SF3A3: variants seen among roughly 807,000 people sequenced by gnomAD.
SF3A3 encodes the protein splicing factor 3a subunit 3, also known as SAP 61.
In SF3A3, 9 loss-of-function variants were observed where a neutral mutation model predicts 85.8. That is an observed-to-expected ratio of 0.10 (90% CI 0.06 to 0.18). The LOEUF (loss-of-function observed/expected upper bound fraction) is 0.18, where lower values mean the gene tolerates loss of function less well. Ranked by LOEUF, SF3A3 falls within the 10% of genes least tolerant of loss-of-function variation. The pLI is 1.00. For missense variants in SF3A3, 306 were observed against 593.3 expected, an observed-to-expected ratio of 0.52 and a Z score of 5.03; for synonymous variants, 195 against 204.4, an observed-to-expected ratio of 0.95 and a Z score of 0.39.
intron 16 of SF3A3, among the ~76,000 whole-genome samples, chr1:37,959,289 G>C (rs1646241076): frequency 6.6e-6 from 1 of 152,132 alleles, no homozygotes; most frequent in South Asian, 2.1e-4. Flanking sequence ...ATGTTGCCCA[G>C]GCTGGTCTCC....
intron 2 of SF3A3, among the ~76,000 whole-genome samples, chr1:37,989,288 C>G (rs1646477519): frequency 6.6e-6 from 1 of 150,554 alleles, no homozygotes; most frequent in South Asian, 2.1e-4. Context: ...GAGCGAGACT[C>G]CGTCCAAAAG....
intron 15 of SF3A3, among the ~76,000 whole-genome samples, chr1:37,965,505 G>C (rs554288865): frequency 6.6e-6 from 1 of 152,242 alleles, no homozygotes; most frequent in South Asian, 2.1e-4. Flanking sequence ...TGCAATCCCA[G>C]CACTTTCGGA....
chr1:37,986,577 C>T lies in SF3A3; in HGVS notation c.303+996G>A, dbSNP rs1205046208. Among the ~76,000 whole-genome samples, 8 of 151,890 alleles carry T rather than the reference C, an allele frequency of 5.3e-5. No individual in the cohort carries two copies. In the South Asian group the frequency reaches 8.3e-4, roughly 16 times the overall value. On this transcript the variant is annotated intron_variant, in intron 4 of 16. Transcript: ENST00000373019. ...CTGTAATCCCAGCACTTTGGGAGGC[C>T]GAGGTGGGCGGATCACAAGGTCAGG...
intron 15 of SF3A3, 60 bp from the exon 16 acceptor site, chr1:37,960,235 G>C: frequency 6.8e-7 from 1 of 1,459,918 alleles, no homozygotes; most frequent in Admixed American, 1.7e-5. Context: ...GGTATCCAGT[G>C]TTATAATCCT....
At chr1:37,970,304 C>CA (rs35452372) in intron 12 of SF3A3, among the ~76,000 whole-genome samples, 2,524 of 103,388 alleles carry the variant, frequency 0.024, 52 homozygotes, top group African/African-American at 0.051. Flanking sequence ...GACTCCTTCT[C>CA]AAAAAAAAAA....
In SF3A3 at chr1:37,987,648, T is replaced by G; in HGVS notation, c.228A>C (p.Ser76=). ...GLRKEELNAI[S]GPNEFAEFYN... The stretch of plus-strand genomic sequence containing the variant: ...AGAATTCAGCAAACTCATTGGGTCC[T>G]GAAATGGCATTGAGCTCCTCCTTTC... Residue 76 remains serine (S), a synonymous_variant, in exon 4 of 17, where the codon TCA becomes TCC. Coordinates refer to ENST00000373019, the MANE Select transcript of SF3A3 (RefSeq NM_006802.4). 1.2e-6 allele frequency: 2 copies of G among 1,614,160 alleles called. No individual in the cohort carries two copies. The highest frequency in any genetic ancestry group is 1.7e-6 in the Non-Finnish European group (2 of 1,179,986).
chr1:37,982,043 A>G (rs1327005174), intron 6 of SF3A3, among the ~76,000 whole-genome samples: 1 of 151,736 alleles, frequency 6.6e-6, no homozygotes, highest in Non-Finnish European at 1.5e-5. Flanking sequence ...CAAAATAAAG[A>G]TCAAGTTAAT....
At chr1:37,964,251 T>G (rs1364781986) in intron 15 of SF3A3, among the ~76,000 whole-genome samples, 1 of 152,132 alleles carries the variant, frequency 6.6e-6, no homozygotes, top group African/African-American at 2.4e-5. Context: ...AGACTCTTAA[T>G]GACTAACCCT....
chr1:37,971,959 C>A (rs1489886592), intron 12 of SF3A3, among the ~76,000 whole-genome samples: 1 of 152,198 alleles, frequency 6.6e-6, no homozygotes, highest in Non-Finnish European at 1.5e-5. Flanking sequence ...GACAGGGATG[C>A]CCTTTCTCAC....
chr1:37,961,780 A>AAAAAG (rs1553164720), intron 15 of SF3A3, among the ~76,000 whole-genome samples: 75 of 141,802 alleles, frequency 5.3e-4, no homozygotes, highest in African/African-American at 2.0e-3. Flanking sequence ...AAAAAAAAAA[A>AAAAAG]AAAGAAAGAA....
chr1:37,977,581 G>A (rs552465509), intron 11 of SF3A3, among the ~76,000 whole-genome samples: 1 of 152,074 alleles, frequency 6.6e-6, no homozygotes, highest in East Asian at 1.9e-4. Context: ...TCACATGCCT[G>A]TAATCCCACC....
intron 2 of SF3A3, 148 bp from the exon 3 acceptor site, chr1:37,987,984 C>A (rs1646467727): frequency 7.3e-6 from 5 of 684,160 alleles, no homozygotes; most frequent in Middle Eastern, 4.8e-4. Flanking sequence ...CTTCCTAGTA[C>A]CTTTAACAGC....
rs777470102 is a variant in SF3A3, at chr1:37,989,966, C to A, written c.-1G>T. On this transcript the variant is annotated 5_prime_UTR_variant, in exon 1 of 17. Coordinates refer to ENST00000373019, the MANE Select transcript of SF3A3 (RefSeq NM_006802.4). ...GCTGCTGCTCCAGTATTGTCTCCAT[C>A]TTCCCTTAGTCGCGGCTTCTCAATT... The A allele has an allele frequency of 9.3e-6, 15 of 1,609,052 alleles. No individual in the cohort carries two copies. The East Asian group carries it at 3.3e-4, about 36-fold the overall frequency.
Position 37,984,699 on chromosome 1 carries a change from C to T in SF3A3, c.376+8G>A. ...CTGGTGCTGAATGAAATTTTCACCC[C>T]TACTTACTTTGTGCCTCTTCACTTG... On this transcript the variant is annotated splice_region_variant and intron_variant, in intron 5 of 16. Coordinates refer to ENST00000373019, the MANE Select transcript of SF3A3 (RefSeq NM_006802.4). 1 of 1,605,024 alleles carries T rather than the reference C, an allele frequency of 6.2e-7. No individual in the cohort carries two copies. Among genetic ancestry groups the T allele is most frequent in the South Asian group, 1.1e-5 (1 of 90,904 alleles).
chr1:37,977,309 G>A (rs1278205054), intron 11 of SF3A3, among the ~76,000 whole-genome samples: 2 of 152,196 alleles, frequency 1.3e-5, no homozygotes, highest in Non-Finnish European at 2.9e-5. Flanking sequence ...CTATGAGAGA[G>A]TGGACACATT....
chr1:37,977,746 G>A (rs1265633367), intron 11 of SF3A3, among the ~76,000 whole-genome samples: 2 of 152,094 alleles, frequency 1.3e-5, no homozygotes, highest in East Asian at 3.9e-4. Flanking sequence ...GAGTGAGGCA[G>A]GAAAATCGCT....
chr1:37,958,289 TAGAC>T, intron 16 of SF3A3, 26 bp from the exon 17 acceptor site: 1 of 1,507,102 alleles, frequency 6.6e-7, no homozygotes, highest in South Asian at 1.1e-5. Context: ...TACACTTTGT[TAGAC>T]AGCTCTCCTA....
intron 12 of SF3A3, 125 bp from the exon 13 acceptor site, chr1:37,969,860 A>G: frequency 9.4e-7 from 1 of 1,065,546 alleles, no homozygotes; most frequent in South Asian, 1.7e-5. Context: ...CTTACAGAAT[A>G]AAGGAAAATC....
At chr1:37,966,935 CAAA>C (rs11394683) in intron 15 of SF3A3, among the ~76,000 whole-genome samples, 74 of 14,172 alleles carry the variant, frequency 5.2e-3, no homozygotes, top group African/African-American at 0.047. Context: ...AACTCCATCT[CAAA>C]AAAAAAAAAA....
Sources: gnomAD v4.1 joint callset for allele counts (sites outside exome capture counted in the v4.1 genomes callset) on GRCh38, gnomAD v4.1.1 for gene constraint, MANE v1.5 for transcripts, NCBI Gene and HGNC (gene_info 2026-07-23, HGNC 2026-07-21) for gene names.